The following PARD6G variants were observed in gnomAD, a reference collection of about 807,000 sequenced individuals.
The protein encoded by PARD6G is par-6 family cell polarity regulator gamma, also known as partitioning defective 6 homolog gamma.
In PARD6G, 7 loss-of-function variants were observed where a neutral mutation model predicts 10.7. That is an observed-to-expected ratio of 0.66 (90% CI 0.37 to 1.23). The LOEUF is 1.23. Ranked by LOEUF, PARD6G falls within the 50% of genes most tolerant of loss-of-function variation. The pLI, the probability that PARD6G is intolerant of heterozygous loss-of-function variation, is 0.02. For synonymous variants in PARD6G, 287 were observed against 269.4 expected, an observed-to-expected ratio of 1.07 and a Z score of -0.64; for missense variants, 548 against 571.8, an observed-to-expected ratio of 0.96 and a Z score of 0.42.
Position 80,160,106 on chromosome 18 carries a change from A to G in PARD6G, c.796T>C (p.Ser266Pro). 6.2e-7 allele frequency: 1 copy of G among 1,609,192 alleles called. No individual in the cohort carries two copies. ...GCGGTGCCGTCCGAGGGCGGTCCCG[A>G]GCTGCCCAACGCGCGGCCGCCGCGC... ...VVRGGRALGS[S>P]GPPSDGTAGF... Residue 266 changes from serine (S) to proline (P), a missense_variant, in exon 3 of 3, where the codon TCG (serine) becomes CCG (proline). By Grantham distance (74) the Ser-to-Pro change is moderately conservative (BLOSUM62 -1). This residue lies in a region of PARD6G where 313 missense variants were observed against 279.9 expected (regional missense o/e 1.12). Transcript: ENST00000353265.
intron 2 of PARD6G, among the ~76,000 whole-genome samples, chr18:80,193,792 G>A (rs2145273672): frequency 6.6e-6 from 1 of 152,324 alleles, no homozygotes; most frequent in African/African-American, 2.4e-5. Context: ...AGGAAGGCGG[G>A]AATGCCCAGC....
At chr18:80,221,843 CATG>C (rs1967233948) in intron 1 of PARD6G, among the ~76,000 whole-genome samples, 1 of 152,168 alleles carries the variant, frequency 6.6e-6, no homozygotes, top group Non-Finnish European at 1.5e-5. Flanking sequence ...ATGAATTCAG[CATG>C]ATTTTAGTAT....
At chr18:80,193,432 T>G (rs1460546491) in intron 2 of PARD6G, among the ~76,000 whole-genome samples, 1 of 152,206 alleles carries the variant, frequency 6.6e-6, no homozygotes, top group African/African-American at 2.4e-5. Flanking sequence ...CAAGGACATT[T>G]TGTAGAAATT....
At chr18:80,174,594 G>C (rs985648061) in intron 2 of PARD6G, among the ~76,000 whole-genome samples, 8 of 152,186 alleles carry the variant, frequency 5.3e-5, no homozygotes, top group Non-Finnish European at 1.0e-4. Context: ...CAGGAGCTCC[G>C]ACTCCAGCAC....
intron 1 of PARD6G, among the ~76,000 whole-genome samples, chr18:80,216,120 C>T (rs928466185): frequency 6.6e-6 from 1 of 152,014 alleles, no homozygotes; most frequent in Non-Finnish European, 1.5e-5. Flanking sequence ...GAAGCAAACA[C>T]TAACTTAAAA....
chr18:80,197,304 G>A (rs749236714), intron 2 of PARD6G: 1 of 152,192 alleles, frequency 6.6e-6, no homozygotes, highest in Non-Finnish European at 1.5e-5. Flanking sequence ...TGAAAATCCT[G>A]CCAGTGTCCA....
At chr18:80,219,101 T>G (rs563109317) in intron 1 of PARD6G, among the ~76,000 whole-genome samples, 2 of 152,362 alleles carry the variant, frequency 1.3e-5, no homozygotes, top group South Asian at 4.1e-4. Context: ...ACCTCTGACA[T>G]GCACTGGAGA....
rs553488835 is a variant in PARD6G, at chr18:80,193,266, G to A, written c.295+9444C>T. ...GCCAGGGGAGGAGGGTCGGCCTCAC[G>A]CATGGCCTGGGGAAGGGTCCAGGAG... On this transcript the variant is annotated intron_variant, in intron 2 of 2. Coordinates refer to ENST00000353265, the MANE Select transcript of PARD6G (RefSeq NM_032510.4). Among the ~76,000 whole-genome samples the A allele has an allele frequency of 5.3e-5, 8 of 152,274 alleles. No individual in the cohort carries two copies. In the East Asian group the frequency reaches 1.4e-3, roughly 26 times the overall value.
chr18:80,227,983 C>A (rs1251005169), intron 1 of PARD6G, among the ~76,000 whole-genome samples: 2 of 152,156 alleles, frequency 1.3e-5, no homozygotes, highest in Non-Finnish European at 2.9e-5. Flanking sequence ...CTTCTTTGAG[C>A]CAGGTAGAAA....
In PARD6G at chr18:80,181,761, C is replaced by T. The variant is rs973466853; in HGVS notation, c.295+20949G>A. On this transcript the variant is annotated intron_variant, in intron 2 of 2. Transcript: ENST00000353265. The surrounding 1 kb of genome is among the most constrained non-coding windows in gnomAD (Gnocchi z 7.9). ...AGCTCCTGGCCTTCCTGATGGGCAT[C>T]GGCTCCCCATTCCTCGCGTCCTCTC... Among the ~76,000 whole-genome samples the T allele has an allele frequency of 2.0e-5, 3 of 152,046 alleles. No homozygotes were observed. The highest frequency in any genetic ancestry group is 2.9e-5 in the Non-Finnish European group (2 of 68,016).
chr18:80,210,675 GTTTAT>G (rs1215688535), intron 1 of PARD6G, among the ~76,000 whole-genome samples: 4 of 152,192 alleles, frequency 2.6e-5, no homozygotes, highest in Non-Finnish European at 5.9e-5. Context: ...CATGGGCCAA[GTTTAT>G]TTTGTTAGTA....
chr18:80,185,796 A>T (rs2052871791), intron 2 of PARD6G, among the ~76,000 whole-genome samples: 1 of 146,018 alleles, frequency 6.8e-6, no homozygotes, highest in Non-Finnish European at 1.5e-5. Flanking sequence ...GCACACCCTC[A>T]CACACGCATA....
rs914233420 is a variant in PARD6G at position 80,231,578 on chromosome 18, ACTC to A, written c.72+15696_72+15698del. Among the ~76,000 whole-genome samples, 9 of 152,088 alleles carry A rather than the reference ACTC, an allele frequency of 5.9e-5. No individual in the cohort carries two copies. The highest frequency in any genetic ancestry group is 2.0e-4 in the Admixed American group (3 of 15,266). On this transcript the variant is annotated intron_variant, in intron 1 of 2. Coordinates refer to ENST00000353265, the MANE Select transcript of PARD6G (RefSeq NM_032510.4). The surrounding 1 kb of genome is among the most constrained non-coding windows in gnomAD (Gnocchi z 4.2). ...AATCCTCACCTGTACTGGCTGTGTA[ACTC>A]TGGATAATTTATTCAACTTCTCTGA...
intron 2 of PARD6G, among the ~76,000 whole-genome samples, chr18:80,196,189 C>T (rs2145275828): frequency 6.6e-6 from 1 of 152,184 alleles, no homozygotes; most frequent in East Asian, 1.9e-4. Context: ...CATACATCTA[C>T]AAAAAGACAA....
chr18:80,217,446 C>T (rs962911529), intron 1 of PARD6G, among the ~76,000 whole-genome samples: 3 of 152,152 alleles, frequency 2.0e-5, no homozygotes, highest in African/African-American at 7.2e-5. Flanking sequence ...AAGAGTAACT[C>T]TACAGGGGAG....
At position 80,172,883 on chromosome 18, in the gene PARD6G, G is replaced by A. The variant is rs573494283; in HGVS notation, c.296-12277C>T. Among the ~76,000 whole-genome samples the A allele has an allele frequency of 4.6e-5, 7 of 152,234 alleles. No homozygotes were observed. The East Asian group carries it at 1.4e-3, about 29-fold the overall frequency. On this transcript the variant is annotated intron_variant, in intron 2 of 2. Coordinates refer to ENST00000353265, the MANE Select transcript of PARD6G (RefSeq NM_032510.4). Reference sequence around the variant, plus strand: ...TTTCTTTTTTGCTTGTGCTTTTGTTGTTATATTTAAGAAATCATTGCCTAA... The same window carrying A: ...TTTCTTTTTTGCTTGTGCTTTTGTTATTATATTTAAGAAATCATTGCCTAA...
Position 80,182,999 on chromosome 18 carries a change from G to GGAAT in PARD6G, c.295+19707_295+19710dup. The GGAAT allele has an allele frequency of 1.5e-6, 1 of 670,302 alleles. No homozygotes were observed. Among genetic ancestry groups the GGAAT allele is most frequent in the East Asian group, 2.7e-5 (1 of 36,842 alleles). 41.5% of individuals were successfully genotyped at this position (670,302 alleles called of 1,614,324 possible). On this transcript the variant is annotated intron_variant, in intron 2 of 2. Transcript: ENST00000353265. This position sits in a 1 kb window ranked among gnomAD's most constrained non-coding sequence, Gnocchi z 4.5. ...CCTTCGTCCTGACGTGGCTCCCAGT[G>GGAAT]GAATGAGATGGCTGGGGTCTCATGA...
In PARD6G at chr18:80,231,217, T is replaced by C. The variant is rs1255080500; in HGVS notation, c.72+16060A>G. On this transcript the variant is annotated intron_variant, in intron 1 of 2. Transcript: ENST00000353265. The surrounding 1 kb of genome is among the most constrained non-coding windows in gnomAD (Gnocchi z 4.2). ...CTCAGGAGACTCTAGTGCTGAGAGG[T>C]AGGGCCAGGGGAAAGGTGCTGGGGG... is the stretch of plus-strand genomic sequence containing the variant. Among the ~76,000 whole-genome samples the C allele has an allele frequency of 1.3e-5, 2 of 152,102 alleles. No homozygotes were observed. The highest frequency in any genetic ancestry group is 6.5e-5 in the Admixed American group (1 of 15,268).
At position 80,246,765 on chromosome 18, in the gene PARD6G, G is replaced by T. The variant is rs889516850; in HGVS notation, c.72+512C>A. Among the ~76,000 whole-genome samples the T allele has an allele frequency of 2.0e-5, 3 of 151,950 alleles. No individual in the cohort carries two copies. The highest frequency in any genetic ancestry group is 2.0e-4 in the Admixed American group (3 of 15,290). On this transcript the variant is annotated intron_variant, in intron 1 of 2. Transcript: ENST00000353265. The surrounding 1 kb of genome is among the most constrained non-coding windows in gnomAD (Gnocchi z 6.7). Reference sequence around the variant, plus strand: ...CTGGTGCCTAGATGTTTGGTACCGAGCGGGTGGGGGACGCCGGGCTCGGAG... The same window carrying T: ...CTGGTGCCTAGATGTTTGGTACCGATCGGGTGGGGGACGCCGGGCTCGGAG...
Sources: allele counts gnomAD v4.1 joint callset (sites outside exome capture counted in the v4.1 genomes callset), GRCh38; gene constraint gnomAD v4.1.1; regional missense constraint gnomAD v4.1.1; non-coding constraint Gnocchi (gnomAD v3.1); transcripts MANE v1.5; gene names NCBI Gene and HGNC (gene_info 2026-07-23, HGNC 2026-07-21).